SRRM4: variants seen among roughly 807,000 people sequenced by gnomAD.
SRRM4 encodes the protein serine/arginine repetitive matrix protein 4.
A neutral mutation model predicts 68.9 loss-of-function variants in SRRM4; 33 were observed. That is an observed-to-expected ratio of 0.48 (90% CI 0.36 to 0.64). The LOEUF (loss-of-function observed/expected upper bound fraction) is 0.64. Ranked by LOEUF, SRRM4 falls within the 30% of genes least tolerant of loss-of-function variation. The probability of loss-of-function intolerance (pLI) is 0.00; values close to 1 mark genes in which losing one functional copy is unlikely to be tolerated. For missense variants in SRRM4, 817 were observed against 827.1 expected (o/e 0.99, Z 0.15); for synonymous variants, 318 against 318.8 (o/e 1.00, Z 0.03).
chr12:119,019,765 T>G (rs1953502925), intron 1 of SRRM4, among the ~76,000 whole-genome samples: 1 of 151,544 alleles, frequency 6.6e-6, no homozygotes, highest in Non-Finnish European at 1.5e-5. Context: ...ATTTGAGGAG[T>G]AGGGCTCTGT....
At chr12:119,022,511 A>C (rs1353359432) in intron 1 of SRRM4, among the ~76,000 whole-genome samples, 1 of 152,252 alleles carries the variant, frequency 6.6e-6, no homozygotes, top group South Asian at 2.1e-4. Context: ...GATGCCAAGA[A>C]GAACTTCCTG....
intron 1 of SRRM4, among the ~76,000 whole-genome samples, chr12:119,027,306 G>T (rs1235410779): frequency 1.3e-5 from 2 of 152,112 alleles, no homozygotes; most frequent in Admixed American, 1.3e-4. Context: ...CTCATATAAA[G>T]TATCACCCCT....
At chr12:119,097,053 A>G (rs1403177197) in intron 1 of SRRM4, among the ~76,000 whole-genome samples, 1 of 152,144 alleles carries the variant, frequency 6.6e-6, no homozygotes, top group East Asian at 1.9e-4. Flanking sequence ...CCCTCCCTCC[A>G]TCTGTGAAGT....
At chr12:119,125,360 G>C (rs377155743) in intron 6 of SRRM4, 21 bp from the exon 7 acceptor site, 124 of 1,605,356 alleles carry the variant, frequency 7.7e-5, no homozygotes, top group Admixed American at 1.5e-4. Context: ...CCTCTGACTC[G>C]TTCCTTCTCA....
chr12:119,045,332 T>C (rs1565896539), intron 1 of SRRM4, among the ~76,000 whole-genome samples: 1 of 146,348 alleles, frequency 6.8e-6, no homozygotes, highest in Non-Finnish European at 1.5e-5. Flanking sequence ...ACATGTCTTG[T>C]TCCTTCTGAC....
rs771655871 is a variant in SRRM4 at position 119,145,488 on chromosome 12, G to A, written c.879G>A (p.Ser293=). The A allele has an allele frequency of 6.8e-6, 11 of 1,609,916 alleles. No homozygotes were observed. Among genetic ancestry groups the A allele is most frequent in the African/African-American group, 1.3e-5 (1 of 74,744 alleles). Residue 293 remains serine, a synonymous_variant, in exon 9 of 13, where the codon TCG becomes TCA. Coordinates refer to ENST00000267260, the MANE Select transcript of SRRM4 (RefSeq NM_194286.4). The part of the protein sequence containing the change: ...QEYDSGNDTS[S]PPSTQTSSAR... Reference sequence around the variant, plus strand: ...ACGACTCAGGAAATGACACGTCCTCGCCACCCTCCACGCAAACCAGCTCAG... The same window carrying A: ...ACGACTCAGGAAATGACACGTCCTCACCACCCTCCACGCAAACCAGCTCAG...
intron 1 of SRRM4, among the ~76,000 whole-genome samples, chr12:119,006,959 G>A (rs1362253288): frequency 1.5e-4 from 23 of 152,226 alleles, no homozygotes; most frequent in Admixed American, 1.5e-3. Context: ...TGAGAAGGCA[G>A]GGCCTGCTTG....
intron 2 of SRRM4, among the ~76,000 whole-genome samples, chr12:119,109,475 C>T (rs7978607): frequency 0.21 from 31,607 of 151,764 alleles, 3,940 homozygotes; most frequent in Non-Finnish European, 0.28. Flanking sequence ...TAGATTTGGT[C>T]TTTTCACATA....
Position 119,154,495 on chromosome 12 carries a change from G to A in SRRM4, c.1532+112G>A. 3 of 1,279,152 alleles carry A rather than the reference G, an allele frequency of 2.3e-6. No individual in the cohort carries two copies. The highest frequency in any genetic ancestry group is 3.2e-6 in the Non-Finnish European group (3 of 924,554). The allele number at this position is 1,279,152 out of a possible 1,614,324, so 79.2% of individuals were successfully genotyped here. A position where few individuals can be genotyped will look rare whatever the true frequency, so the allele number is the denominator to read the frequency against. ...CTCCTTGGGGCTGGGATTTAGGATT[G>A]TGCGAGCTTATGGTCCCCCCAACCC... On this transcript the variant is annotated intron_variant, in intron 12 of 12. Transcript: ENST00000267260. This position sits in a 1 kb window ranked among gnomAD's most constrained non-coding sequence, Gnocchi z 4.7.
At chr12:119,136,081 T>A (rs969424865) in intron 8 of SRRM4, among the ~76,000 whole-genome samples, 1 of 152,176 alleles carries the variant, frequency 6.6e-6, no homozygotes, top group Non-Finnish European at 1.5e-5. Context: ...CTAGTTGCCA[T>A]AATATTTTTT....
intron 2 of SRRM4, among the ~76,000 whole-genome samples, chr12:119,104,002 CAAAATAA>C (rs1194556771): frequency 6.6e-6 from 1 of 152,066 alleles, no homozygotes; most frequent in Admixed American, 6.6e-5. Context: ...GACTCCGTCT[CAAAATAA>C]AAAATAAAAA....
rs377475136 is a variant in SRRM4 at position 119,057,518 on chromosome 12, C to T, written c.132-44718C>T. 5.9e-5 allele frequency among the ~76,000 whole-genome samples: 9 copies of T among 152,300 alleles called. No individual in the cohort carries two copies. The East Asian group carries it at 1.7e-3, about 29-fold the overall frequency. ...GCTCCAACCGTGTCCCTGCAAAGGACATTATCTTGTTCCATTTTATGGCTA... is the reference window on the plus strand; with the variant it reads ...GCTCCAACCGTGTCCCTGCAAAGGATATTATCTTGTTCCATTTTATGGCTA... On this transcript the variant is annotated intron_variant, in intron 1 of 12. Coordinates refer to ENST00000267260, the MANE Select transcript of SRRM4 (RefSeq NM_194286.4).
intron 1 of SRRM4, among the ~76,000 whole-genome samples, chr12:119,081,802 T>C (rs1953949409): frequency 6.6e-6 from 1 of 152,204 alleles, no homozygotes; most frequent in East Asian, 1.9e-4. Context: ...ACTTTGAAGT[T>C]AGCATCTAGA....
chr12:118,989,701 T>C (rs1419320801), intron 1 of SRRM4: 2 of 152,302 alleles, frequency 1.3e-5, no homozygotes, highest in East Asian at 3.9e-4. Flanking sequence ...AAACAGTCAT[T>C]AAGTAATTCA....
chr12:119,069,318 A>C (rs939476552), intron 1 of SRRM4, among the ~76,000 whole-genome samples: 2 of 152,180 alleles, frequency 1.3e-5, no homozygotes, highest in Admixed American at 6.5e-5. Context: ...CAATTAGATC[A>C]GAATCCCCAA....
chr12:119,026,762 G>A (rs539536936), intron 1 of SRRM4, among the ~76,000 whole-genome samples: 3 of 151,850 alleles, frequency 2.0e-5, no homozygotes, highest in Non-Finnish European at 4.4e-5. Context: ...GGTTAGCCAG[G>A]CTGACCTCAA....
chr12:119,137,307 C>G (rs911772927), intron 8 of SRRM4, among the ~76,000 whole-genome samples: 2 of 152,068 alleles, frequency 1.3e-5, no homozygotes, highest in Non-Finnish European at 2.9e-5. Flanking sequence ...ATTTTTGTAT[C>G]CTATTAGGCC....
chr12:119,027,986 A>T (rs974100000), intron 1 of SRRM4, among the ~76,000 whole-genome samples: 1 of 152,262 alleles, frequency 6.6e-6, no homozygotes, highest in African/African-American at 2.4e-5. Flanking sequence ...AAACATATGC[A>T]TGCAGGTGCT....
chr12:118,983,434 C>T (rs1953262792), intron 1 of SRRM4, among the ~76,000 whole-genome samples: 1 of 152,188 alleles, frequency 6.6e-6, no homozygotes, highest in South Asian at 2.1e-4. Context: ...TACCAAATGC[C>T]ATTAAAGGCT....
Sources: allele counts gnomAD v4.1 joint callset (sites outside exome capture counted in the v4.1 genomes callset), GRCh38; gene constraint gnomAD v4.1.1; non-coding constraint Gnocchi (gnomAD v3.1); transcripts MANE v1.5; gene names NCBI Gene and HGNC (gene_info 2026-07-23, HGNC 2026-07-21).